The following ITGAL variants were observed in gnomAD, a reference collection of about 807,000 sequenced individuals.
The protein encoded by ITGAL is integrin alpha-L.
A neutral mutation model predicts 138.4 loss-of-function variants in ITGAL; 68 were observed. That is an observed-to-expected ratio of 0.49 (90% CI 0.40 to 0.60). ITGAL has a LOEUF of 0.60. ITGAL is among the 20% of genes least tolerant of loss of function. ITGAL has a pLI of 0.00. For synonymous variants in ITGAL, 561 were observed against 584.3 expected, an observed-to-expected ratio of 0.96 and a Z score of 0.57; for missense variants, 1,256 against 1,478.6, an observed-to-expected ratio of 0.85 and a Z score of 2.47.
intron 15 of ITGAL, among the ~76,000 whole-genome samples, chr16:30,498,364 T>C (rs2050835637): frequency 2.0e-5 from 3 of 151,258 alleles, no homozygotes; most frequent in African/African-American, 4.9e-5. Context: ...GCCAGGAGTG[T>C]GAGGATGCAG....
rs78681146 is a variant in ITGAL at position 30,516,920 on chromosome 16, G to A, written c.2863-53G>A. The A allele has an allele frequency of 9.7e-4, 1,211 of 1,250,024 alleles. 9 individuals are homozygous for A. In the African/African-American group the frequency reaches 0.017, roughly 17 times the overall value. The allele number at this position is 1,250,024 out of a possible 1,614,324, so 77.4% of individuals were successfully genotyped here. On this transcript the variant is annotated intron_variant, in intron 25 of 30. Coordinates refer to ENST00000356798, the MANE Select transcript of ITGAL (RefSeq NM_002209.3). ...TGCAAGGGCACACAGGGTCTGGGGGGCAGCTGGGGTGGCTGGCATTCAGGG... is the reference window on the plus strand; with the variant it reads ...TGCAAGGGCACACAGGGTCTGGGGGACAGCTGGGGTGGCTGGCATTCAGGG...
Position 30,521,626 on chromosome 16 carries a change from C to T in ITGAL, c.3474C>T (p.Leu1158=), listed in dbSNP as rs776532100. ...GGGATCCCGGCTGCCTGAAGCCCCT[C>T]CATGAGAAGGACTCTGAGAGTGGTG... ...EAGDPGCLKP[L]HEKDSESGGG... The change falls in exon 31 of 31, where the codon CTC becomes CTT. Residue 1158 remains leucine (L), a synonymous_variant. Transcript: ENST00000356798. 1.5e-5 allele frequency: 25 copies of T among 1,614,134 alleles called. No individual in the cohort carries two copies. In the South Asian group the frequency reaches 2.5e-4, roughly 16 times the overall value.
chr16:30,513,926 T>C (rs2051128592), intron 25 of ITGAL, 80 bp downstream of exon 25: 1 of 1,037,244 alleles, frequency 9.6e-7, no homozygotes, highest in African/African-American at 1.6e-5. Context: ...AGGCACCAAG[T>C]AGACACAGTA....
rs1168852344 is a variant in ITGAL at position 30,473,960 on chromosome 16, T to C, written c.62-236T>C. 4.5e-6 allele frequency: 3 copies of C among 663,818 alleles called. No homozygotes were observed. In the Admixed American group the frequency reaches 6.1e-5, roughly 14 times the overall value. 41.1% of individuals were successfully genotyped at this position (663,818 alleles called of 1,614,324 possible). Reference sequence around the variant, plus strand: ...CTCTAACTTCTCATCCTTCCTTTTTTGCAGAGAGGCCAAACGGGAAGTTGT... The same window carrying C: ...CTCTAACTTCTCATCCTTCCTTTTTCGCAGAGAGGCCAAACGGGAAGTTGT... On this transcript the variant is annotated intron_variant, in intron 1 of 30. Transcript: ENST00000356798.
chr16:30,488,757 G>T (rs1035755886), intron 9 of ITGAL: 1 of 316,468 alleles, frequency 3.2e-6, no homozygotes, highest in Non-Finnish European at 6.1e-6. Context: ...TGTGCCTATA[G>T]TCCCCACTAT....
chr16:30,521,776 C>T lies in ITGAL; in HGVS notation c.*111C>T, dbSNP rs2051257997. On this transcript the variant is annotated 3_prime_UTR_variant, in exon 31 of 31. Coordinates refer to ENST00000356798, the MANE Select transcript of ITGAL (RefSeq NM_002209.3). ...CCCTCGGGCGAGTCACTGCCTCTCCCTGGCCCTCAGTTTCCCTATCTCGAA... is the reference window on the plus strand; with the variant it reads ...CCCTCGGGCGAGTCACTGCCTCTCCTTGGCCCTCAGTTTCCCTATCTCGAA... The T allele has an allele frequency of 2.9e-6, 3 of 1,048,898 alleles. No individual in the cohort carries two copies. The highest frequency in any genetic ancestry group is 1.6e-5 in the African/African-American group (1 of 62,456). 65.0% of individuals were successfully genotyped at this position (1,048,898 alleles called of 1,614,324 possible).
intron 14 of ITGAL, 35 bp downstream of exon 14, chr16:30,496,329 T>G: frequency 6.2e-7 from 1 of 1,603,802 alleles, no homozygotes; most frequent in Non-Finnish European, 8.5e-7. Flanking sequence ...CACTCCATTC[T>G]CAGGTGCCCT....
chr16:30,486,906 C>T (rs1482433723), intron 9 of ITGAL, among the ~76,000 whole-genome samples: 1 of 152,142 alleles, frequency 6.6e-6, no homozygotes, highest in East Asian at 1.9e-4. Flanking sequence ...AGCAGTCCTC[C>T]CACCTTGACC....
At chr16:30,517,735 G>A (rs769731921) in intron 27 of ITGAL, 30 bp downstream of exon 27, 2 of 1,613,490 alleles carry the variant, frequency 1.2e-6, no homozygotes, top group Admixed American at 3.3e-5. Context: ...GAGACGGTGG[G>A]GCTGGGCGGT....
chr16:30,507,035 C>T (rs1220167753), intron 21 of ITGAL, among the ~76,000 whole-genome samples, 179 bp downstream of exon 21: 1 of 152,190 alleles, frequency 6.6e-6, no homozygotes, highest in Non-Finnish European at 1.5e-5. Flanking sequence ...CAGGTTTACC[C>T]TCTCAGGCTG....
At chr16:30,488,783 C>T (rs1288969218) in intron 9 of ITGAL, 4 of 407,178 alleles carry the variant, frequency 9.8e-6, no homozygotes, top group South Asian at 6.9e-5. Flanking sequence ...AGGCTAAGCC[C>T]GGAGGGTTGC....
At chr16:30,482,387 G>T (rs1442556293) in intron 7 of ITGAL, among the ~76,000 whole-genome samples, 10 of 152,184 alleles carry the variant, frequency 6.6e-5, no homozygotes, top group African/African-American at 2.4e-4. Flanking sequence ...GATCATGAGG[G>T]TCTGGATGGG....
At chr16:30,508,010 G>C (rs1310949670) in intron 21 of ITGAL, among the ~76,000 whole-genome samples, 1 of 151,810 alleles carries the variant, frequency 6.6e-6, no homozygotes. Context: ...CCGGGTTCAC[G>C]CCATTCTCCT....
At chr16:30,510,240 G>T (rs189686331) in intron 21 of ITGAL, 121 bp from the exon 22 acceptor site, 2 of 671,414 alleles carry the variant, frequency 3.0e-6, no homozygotes, top group Non-Finnish European at 5.4e-6. Context: ...GCCCTTTCCC[G>T]CTGAGAAGGT....
chr16:30,475,704 G>T, intron 4 of ITGAL, 124 bp downstream of exon 4: 4 of 466,874 alleles, frequency 8.6e-6, no homozygotes, highest in East Asian at 4.9e-5. Flanking sequence ...GAGTCAATTA[G>T]TGTTTATTGA....
At chr16:30,517,120 C>A (rs760318207) in intron 26 of ITGAL, 34 bp downstream of exon 26, 1 of 1,413,878 alleles carries the variant, frequency 7.1e-7, no homozygotes, top group South Asian at 1.2e-5. Context: ...GGTCTACCCT[C>A]CTCAGGTCTT....
chr16:30,479,648 CTTTTTTTTTTTT>C (rs59770529), intron 6 of ITGAL, among the ~76,000 whole-genome samples, 187 bp downstream of exon 6: 980 of 72,910 alleles, frequency 0.013, 20 homozygotes, highest in African/African-American at 0.051. Flanking sequence ...TTCTCATTTC[CTTTTTTTTTTTT>C]TTTTTTTTTT....
At position 30,479,648 on chromosome 16, in the gene ITGAL, CTTTTTTTTTTTTT is replaced by C. The variant is rs59770529; in HGVS notation, c.576+204_576+216del. 3.2e-3 allele frequency among the ~76,000 whole-genome samples: 236 copies of C among 72,880 alleles called. 1 individual carries two copies. Among genetic ancestry groups the C allele is most frequent in the Non-Finnish European group, 4.5e-3 (180 of 40,226 alleles). The allele number at this position is 72,880 out of a possible 152,430, so 47.8% of individuals were successfully genotyped here. On this transcript the variant is annotated intron_variant, in intron 6 of 30. Coordinates refer to ENST00000356798, the MANE Select transcript of ITGAL (RefSeq NM_002209.3). ...TAGGAGTCTCTCTAGTTCTCATTTC[CTTTTTTTTTTTTT>C]TTTTTTTTTTTTTTTTGAGATGGAG...
At position 30,483,849 on chromosome 16, in the gene ITGAL, C is replaced by G; in HGVS notation, c.745C>G (p.Leu249Val). The change falls in exon 8 of 31, where the codon CTG becomes GTG. Residue 249 changes from leucine (L) to valine (V), a missense_variant. By Grantham distance (32) the Leu-to-Val change is conservative. This residue lies in a region of ITGAL where 177 missense variants were observed against 288.8 expected (regional missense o/e 0.61). Coordinates refer to ENST00000356798, the MANE Select transcript of ITGAL (RefSeq NM_002209.3). ...YVATEVFREELGARPDATKVL... is the reference protein window; with the variant it reads ...YVATEVFREEVGARPDATKVL... Reference sequence around the variant, plus strand: ...CAGGACAGAGGTGTTCCGGGAGGAGCTGGGGGCCCGGCCAGATGCCACCAA... The same window carrying G: ...CAGGACAGAGGTGTTCCGGGAGGAGGTGGGGGCCCGGCCAGATGCCACCAA... 2 of 1,613,816 alleles carry G rather than the reference C, an allele frequency of 1.2e-6. No homozygotes were observed. The highest frequency in any genetic ancestry group is 1.7e-6 in the Non-Finnish European group (2 of 1,179,842).
Sources: gnomAD v4.1 joint callset for allele counts (sites outside exome capture counted in the v4.1 genomes callset) on GRCh38, gnomAD v4.1.1 for gene constraint, gnomAD v4.1.1 regional missense constraint, MANE v1.5 for transcripts, NCBI Gene and HGNC (gene_info 2026-07-23, HGNC 2026-07-21) for gene names.